The following TCF4 variants were observed in gnomAD, a reference collection of about 807,000 sequenced individuals.
TCF4 encodes transcription factor 4, also known as SL3-3 enhancer factor 2.
Under a neutral mutation model 82.1 loss-of-function variants are expected in TCF4, and 3 were observed. The ratio of observed to expected loss-of-function variants is 0.04; its 90% CI spans 0.02 to 0.09. TCF4 has a LOEUF of 0.09. Ranked by LOEUF, TCF4 falls within the 10% of genes least tolerant of loss-of-function variation. The pLI, the probability that TCF4 is intolerant of heterozygous loss-of-function variation, is 1.00. For missense variants in TCF4, 518 were observed against 852.7 expected (o/e 0.61, Z 4.89); for synonymous variants, 276 against 309.6 (o/e 0.89, Z 1.14).
At chr18:55,244,356 T>C (rs1316291668) in intron 15 of TCF4, among the ~76,000 whole-genome samples, 1 of 152,186 alleles carries the variant, frequency 6.6e-6, no homozygotes, top group Non-Finnish European at 1.5e-5. Flanking sequence ...TTGGTGTGTT[T>C]AAAGAGGAAA....
chr18:55,436,203 CA>C (rs1372267073), intron 5 of TCF4, among the ~76,000 whole-genome samples: 1 of 152,132 alleles, frequency 6.6e-6, no homozygotes, highest in Non-Finnish European at 1.5e-5. Context: ...GATATGCCTT[CA>C]AATAAACCAC....
At chr18:55,390,493 A>G (rs1252375872) in intron 6 of TCF4, among the ~76,000 whole-genome samples, 1 of 152,118 alleles carries the variant, frequency 6.6e-6, no homozygotes, top group Non-Finnish European at 1.5e-5. Context: ...GAATGTTCTA[A>G]ATGGTCTGAT....
chr18:55,565,216 G>C (rs1392391311), intron 3 of TCF4, among the ~76,000 whole-genome samples: 1 of 151,794 alleles, frequency 6.6e-6, no homozygotes, highest in Non-Finnish European at 1.5e-5. Context: ...AGACTGAAAA[G>C]GGTTAAAGAG....
At chr18:55,631,298 C>A in exon 2 of TCF4, 1 of 1,424,082 alleles carries the variant, frequency 7.0e-7, no homozygotes, top group South Asian at 1.2e-5. Flanking sequence ...ATCCACCTAC[C>A]TTGGCCTCCC....
chr18:55,635,572 T>A, intron 1 of TCF4: 1 of 1,164,104 alleles, frequency 8.6e-7, no homozygotes, highest in Non-Finnish European at 1.2e-6. Context: ...GGCCAAGTGC[T>A]GTGGAGATGT....
chr18:55,589,946 C>T (rs2097681282), upstream of TCF4: 2 of 578,186 alleles, frequency 3.5e-6, no homozygotes, highest in African/African-American at 2.0e-5. Flanking sequence ...CACGCCTCCT[C>T]CGGGAGCGGA....
At chr18:55,424,773 T>C (rs925207606) in intron 5 of TCF4, among the ~76,000 whole-genome samples, 1 of 152,230 alleles carries the variant, frequency 6.6e-6, no homozygotes. Context: ...TTTGAGATCT[T>C]TTGATACAGT....
In TCF4 at chr18:55,381,910, GTTT is replaced by G. The variant is rs770720823; in HGVS notation, c.369+21541_369+21543del. On this transcript the variant is annotated intron_variant, in intron 6 of 19. Transcript: ENST00000354452. Reference sequence around the variant, plus strand: ...TAAGGTATCAACAAACTCTAGAAGGGTTTTTTTTTTTTTTTAAAAAAGGAAATT... The same window carrying G: ...TAAGGTATCAACAAACTCTAGAAGGGTTTTTTTTTTTTAAAAAAGGAAATT... Among the ~76,000 whole-genome samples, 104 of 143,662 alleles carry G rather than the reference GTTT, an allele frequency of 7.2e-4. 1 individual carries two copies. Among genetic ancestry groups the G allele is most frequent in the African/African-American group, 2.2e-3 (88 of 39,340 alleles). The allele number at this position is 143,662 out of a possible 152,430, so 94.2% of individuals were successfully genotyped here. A position where few individuals can be genotyped will look rare whatever the true frequency, so the allele number is the denominator to read the frequency against.
intron 15 of TCF4, among the ~76,000 whole-genome samples, chr18:55,253,486 CATTA>C (rs1373104791): frequency 6.6e-6 from 1 of 152,092 alleles, no homozygotes; most frequent in Non-Finnish European, 1.5e-5. Context: ...CTGGTCACCT[CATTA>C]ATTGTCATCA....
chr18:55,387,546 G>A (rs918898473), intron 6 of TCF4, among the ~76,000 whole-genome samples: 1 of 152,206 alleles, frequency 6.6e-6, no homozygotes, highest in Non-Finnish European at 1.5e-5. Flanking sequence ...TGGTCACTGA[G>A]GGTAAACAGT....
At chr18:55,551,290 C>A (rs1039462230) in intron 3 of TCF4, 3 of 152,308 alleles carry the variant, frequency 2.0e-5, no homozygotes, top group African/African-American at 7.2e-5. Context: ...CATTCTCCTG[C>A]TGCATGCTGT....
intron 5 of TCF4, among the ~76,000 whole-genome samples, chr18:55,433,210 C>A (rs531147411): frequency 3.9e-5 from 6 of 152,272 alleles, no homozygotes. Context: ...CCAAAACATA[C>A]CAGTGACCAA....
At chr18:55,260,078 C>A in intron 12 of TCF4, 51 bp from the exon 13 acceptor site, 1 of 1,383,534 alleles carries the variant, frequency 7.2e-7, no homozygotes, top group Non-Finnish European at 1.0e-6. Flanking sequence ...TAAAATAATT[C>A]ACACTTTTCT....
chr18:55,278,168 A>G (rs368282146), intron 9 of TCF4, among the ~76,000 whole-genome samples: 3 of 152,226 alleles, frequency 2.0e-5, no homozygotes, highest in African/African-American at 7.2e-5. Flanking sequence ...GAAGATTAGT[A>G]TCTTTTAATG....
chr18:55,532,286 A>C (rs751375201), intron 3 of TCF4, among the ~76,000 whole-genome samples: 8 of 152,074 alleles, frequency 5.3e-5, no homozygotes, highest in African/African-American at 9.7e-5. Flanking sequence ...TGCCATCCTC[A>C]TCATCATCAT....
At chr18:55,299,872 GAA>G (rs2067625491) in intron 8 of TCF4, among the ~76,000 whole-genome samples, 1 of 152,160 alleles carries the variant, frequency 6.6e-6, no homozygotes, top group African/African-American at 2.4e-5. Flanking sequence ...TAGTAAGAGA[GAA>G]GTCACTGTGC....
chr18:55,294,192 G>A (rs2065896846), intron 8 of TCF4, among the ~76,000 whole-genome samples: 2 of 151,068 alleles, frequency 1.3e-5, no homozygotes, highest in South Asian at 4.2e-4. Context: ...CCCAGGAGAC[G>A]GAGGTTGCAG....
intron 8 of TCF4, among the ~76,000 whole-genome samples, chr18:55,295,939 G>A (rs892450875): frequency 3.3e-5 from 5 of 152,014 alleles, no homozygotes; most frequent in Non-Finnish European, 7.4e-5. Flanking sequence ...TGCATTATCA[G>A]TCTAGGTTTT....
At chr18:55,407,081 C>A (rs376216277) in intron 5 of TCF4, among the ~76,000 whole-genome samples, 1 of 148,536 alleles carries the variant, frequency 6.7e-6, no homozygotes, top group African/African-American at 2.5e-5. Flanking sequence ...GGGGTTGGTG[C>A]GGGGGGCGGG....
Sources: gnomAD v4.1 joint callset for allele counts (sites outside exome capture counted in the v4.1 genomes callset) on GRCh38, gnomAD v4.1.1 for gene constraint, MANE v1.5 for transcripts, NCBI Gene and HGNC (gene_info 2026-07-23, HGNC 2026-07-21) for gene names.